GRID2: variants seen among roughly 807,000 people sequenced by gnomAD.
The protein encoded by GRID2 is glutamate receptor ionotropic, delta-2.
Under a neutral mutation model 114.8 loss-of-function variants are expected in GRID2, and 33 were observed. That is an observed-to-expected ratio of 0.29 (90% CI 0.22 to 0.38). The LOEUF is 0.38. Ranked by LOEUF, GRID2 falls within the 10% of genes least tolerant of loss-of-function variation. GRID2 has a pLI of 1.00. For missense variants in GRID2, 1,184 were observed against 1,257.7 expected, an observed-to-expected ratio of 0.94 and a Z score of 0.89; for synonymous variants, 505 against 449.9, an observed-to-expected ratio of 1.12 and a Z score of -1.55.
intron 13 of GRID2, among the ~76,000 whole-genome samples, chr4:93,570,201 G>A (rs909833457): frequency 6.6e-6 from 1 of 152,118 alleles, no homozygotes; most frequent in African/African-American, 2.4e-5. Context: ...TCACTCAGTA[G>A]CCAGTGGTGG....
intron 8 of GRID2, among the ~76,000 whole-genome samples, chr4:93,289,071 A>G (rs1445453554): frequency 6.6e-6 from 1 of 152,222 alleles, no homozygotes; most frequent in Non-Finnish European, 1.5e-5. Context: ...ATTGGGTAAG[A>G]CTATTTTTTA....
chr4:92,546,636 A>G (rs1726278017), intron 1 of GRID2, among the ~76,000 whole-genome samples: 1 of 152,208 alleles, frequency 6.6e-6, no homozygotes, highest in African/African-American at 2.4e-5. Flanking sequence ...AGGAATTCAA[A>G]ACATAGAAAT....
intron 2 of GRID2, among the ~76,000 whole-genome samples, chr4:92,755,849 A>C (rs966695205): frequency 6.6e-6 from 1 of 152,246 alleles, no homozygotes; most frequent in Admixed American, 6.5e-5. Context: ...TTGATACATA[A>C]AATTTGTTCA....
At chr4:93,408,920 A>G (rs908197183) in intron 9 of GRID2, among the ~76,000 whole-genome samples, 7 of 152,164 alleles carry the variant, frequency 4.6e-5, no homozygotes, top group Non-Finnish European at 1.0e-4. Context: ...GAAAGCATTC[A>G]TCTCACTAGA....
intron 8 of GRID2, among the ~76,000 whole-genome samples, chr4:93,281,318 A>G (rs1298984064): frequency 6.6e-6 from 1 of 151,922 alleles, no homozygotes; most frequent in Non-Finnish European, 1.5e-5. Context: ...TGGCCTAAGA[A>G]AAGTGTCCTT....
chr4:93,511,462 G>A (rs1252296850), intron 12 of GRID2, among the ~76,000 whole-genome samples: 1 of 152,142 alleles, frequency 6.6e-6, no homozygotes, highest in African/African-American at 2.4e-5. Context: ...TCAGAGAACA[G>A]TAGCAGGAAT....
chr4:92,754,761 G>A (rs549238716), intron 2 of GRID2, among the ~76,000 whole-genome samples: 5 of 151,938 alleles, frequency 3.3e-5, no homozygotes, highest in Non-Finnish European at 4.4e-5. Flanking sequence ...CCAACTTTCC[G>A]GACAAATTCA....
intron 1 of GRID2, among the ~76,000 whole-genome samples, chr4:92,543,778 CAG>C (rs1482453914): frequency 1.3e-5 from 2 of 152,060 alleles, no homozygotes; most frequent in East Asian, 3.8e-4. Flanking sequence ...GAAAAAATGA[CAG>C]TGTCAAAATT....
intron 8 of GRID2, among the ~76,000 whole-genome samples, chr4:93,276,916 T>C (rs1752115221): frequency 1.3e-5 from 2 of 151,934 alleles, no homozygotes; most frequent in African/African-American, 4.8e-5. Context: ...GAGGAAGTAT[T>C]TACCTAATAC....
intron 2 of GRID2, among the ~76,000 whole-genome samples, chr4:92,745,745 G>A (rs2149334709): frequency 6.6e-6 from 1 of 152,052 alleles, no homozygotes; most frequent in South Asian, 2.1e-4. Flanking sequence ...TCTCACTTTT[G>A]TTCTTTGGTT....
chr4:93,173,073 G>T (rs1318142497), intron 4 of GRID2, among the ~76,000 whole-genome samples: 1 of 152,158 alleles, frequency 6.6e-6, no homozygotes, highest in African/African-American at 2.4e-5. Flanking sequence ...ATATTGAAGA[G>T]TTAGAAGGAA....
intron 8 of GRID2, among the ~76,000 whole-genome samples, chr4:93,352,617 C>G (rs1317676295): frequency 2.6e-5 from 4 of 152,004 alleles, no homozygotes; most frequent in African/African-American, 9.7e-5. Flanking sequence ...CTCCAAAGTC[C>G]TACACTCTAT....
rs557620926 is a variant in GRID2 at position 92,888,563 on chromosome 4, A to G, written c.245-196432A>G. ...ATTGTGGCGCTGGGGGGATGAAACT[A>G]ACGTCTTTCAGTAAGTAAATGTTTA... is the stretch of plus-strand genomic sequence containing the variant. On this transcript the variant is annotated intron_variant, in intron 2 of 15. Transcript: ENST00000282020. Among the ~76,000 whole-genome samples, 10 of 152,166 alleles carry G rather than the reference A, an allele frequency of 6.6e-5. No homozygotes were observed. In the South Asian group the frequency reaches 2.1e-3, roughly 32 times the overall value.
chr4:92,738,913 C>A (rs1310982057), intron 2 of GRID2, among the ~76,000 whole-genome samples: 1 of 152,150 alleles, frequency 6.6e-6, no homozygotes, highest in East Asian at 1.9e-4. Flanking sequence ...AGCAGTTCTC[C>A]CATGTTGGCC....
rs148753303 is a variant in GRID2 at position 92,793,405 on chromosome 4, C to A, written c.244+203119C>A. Among the ~76,000 whole-genome samples the A allele has an allele frequency of 3.9e-3, 588 of 151,440 alleles. 1 individual carries two copies. The highest frequency in any genetic ancestry group is 0.014 in the African/African-American group (561 of 41,336). On this transcript the variant is annotated intron_variant, in intron 2 of 15. Transcript: ENST00000282020. Reference sequence around the variant, plus strand: ...TTGGGACTTTCTGAGGGTGGAGGGTCGGAACAGGGAGAAGATCAGGAAAAA... The same window carrying A: ...TTGGGACTTTCTGAGGGTGGAGGGTAGGAACAGGGAGAAGATCAGGAAAAA...
chr4:93,594,401 G>T lies in GRID2; in HGVS notation c.2194-31868G>T, dbSNP rs1738793768. Among the ~76,000 whole-genome samples, 4 of 152,340 alleles carry T rather than the reference G, an allele frequency of 2.6e-5. No homozygotes were observed. In the South Asian group the frequency reaches 8.3e-4, roughly 32 times the overall value. ...GGTCAGGGACCCACTTGAGGAGGCAGTCCGCCCATTCTCAGATCTCCAGCT... is the reference window on the plus strand; with the variant it reads ...GGTCAGGGACCCACTTGAGGAGGCATTCCGCCCATTCTCAGATCTCCAGCT... On this transcript the variant is annotated intron_variant, in intron 13 of 15. Coordinates refer to ENST00000282020, the MANE Select transcript of GRID2 (RefSeq NM_001510.4).
Position 93,179,032 on chromosome 4 carries a change from G to A in GRID2, c.736-28372G>A, listed in dbSNP as rs142523370. On this transcript the variant is annotated intron_variant, in intron 4 of 15. Transcript: ENST00000282020. The stretch of plus-strand genomic sequence containing the variant: ...TTGATATATGAAATTAAATGATGGC[G>A]GGCACTCTGTAAAACAGAGCAGGGA... Among the ~76,000 whole-genome samples the A allele has an allele frequency of 5.3e-5, 8 of 152,110 alleles. No individual in the cohort carries two copies. The East Asian group carries it at 9.7e-4, about 18-fold the overall frequency.
chr4:93,105,288 T>C (rs4403009), intron 3 of GRID2, among the ~76,000 whole-genome samples: 80,314 of 151,476 alleles, frequency 0.53, 22,748 homozygotes, highest in African/African-American at 0.7. Flanking sequence ...GTTTCTTTTG[T>C]TGTGCAGAAG....
chr4:92,564,833 G>A (rs2060677), intron 1 of GRID2, among the ~76,000 whole-genome samples: 7 of 151,712 alleles, frequency 4.6e-5, no homozygotes, highest in South Asian at 2.1e-4. Context: ...ATATATTTTC[G>A]TGCTACAAGG....
Sources: gnomAD v4.1 joint callset for allele counts (sites outside exome capture counted in the v4.1 genomes callset) on GRCh38, gnomAD v4.1.1 for gene constraint, MANE v1.5 for transcripts, NCBI Gene and HGNC (gene_info 2026-07-23, HGNC 2026-07-21) for gene names.